SYN3: variants seen among roughly 807,000 people sequenced by gnomAD.
The protein encoded by SYN3 is synapsin-3.
Under a neutral mutation model 65.8 loss-of-function variants are expected in SYN3, and 35 were observed. The ratio of observed to expected loss-of-function variants is 0.53; its 90% CI spans 0.41 to 0.70. The LOEUF (loss-of-function observed/expected upper bound fraction) is 0.70. SYN3 is among the 30% of genes least tolerant of loss of function. The pLI is 0.00. For missense variants in SYN3, 680 were observed against 749.0 expected (o/e 0.91, Z 1.08); for synonymous variants, 270 against 292.9 (o/e 0.92, Z 0.80).
intron 6 of SYN3, among the ~76,000 whole-genome samples, chr22:32,863,777 T>C (rs1286522446): frequency 4.6e-5 from 7 of 152,188 alleles, no homozygotes; most frequent in Non-Finnish European, 1.0e-4. Flanking sequence ...AAGTTGGGGC[T>C]CACAGAGATA....
chr22:32,814,883 T>C (rs542082818), intron 6 of SYN3, among the ~76,000 whole-genome samples: 134 of 152,310 alleles, frequency 8.8e-4, no homozygotes, highest in African/African-American at 3.1e-3. Flanking sequence ...CCCATAGTCA[T>C]GTTTAAAAAA....
intron 1 of SYN3, among the ~76,000 whole-genome samples, chr22:33,043,473 G>A (rs541870163): frequency 7.6e-4 from 116 of 152,242 alleles, no homozygotes; most frequent in African/African-American, 2.7e-3. Flanking sequence ...GCTTGAACCC[G>A]GGAGATGGAG....
At chr22:32,551,694 T>A (rs537035896) in intron 7 of SYN3, among the ~76,000 whole-genome samples, 1 of 152,192 alleles carries the variant, frequency 6.6e-6, no homozygotes, top group African/African-American at 2.4e-5. Context: ...ATTATTATTA[T>A]GTTTTTAGGT....
chr22:32,797,843 G>C (rs973942472), intron 6 of SYN3, among the ~76,000 whole-genome samples: 1 of 152,190 alleles, frequency 6.6e-6, no homozygotes, highest in Non-Finnish European at 1.5e-5. Flanking sequence ...ATTCCCCATG[G>C]AATCTTGGAG....
At chr22:32,975,018 C>G (rs753655389) in intron 3 of SYN3, among the ~76,000 whole-genome samples, 1 of 152,192 alleles carries the variant, frequency 6.6e-6, no homozygotes, top group East Asian at 1.9e-4. Context: ...TCCTCCCACA[C>G]ATATTAAGCT....
intron 6 of SYN3, among the ~76,000 whole-genome samples, chr22:32,653,534 G>C (rs770312114): frequency 3.3e-5 from 5 of 152,168 alleles, no homozygotes; most frequent in Non-Finnish European, 5.9e-5. Flanking sequence ...GTCCTTTATG[G>C]GAGGGGCTGC....
At chr22:32,822,649 G>T (rs1392489929) in intron 6 of SYN3, among the ~76,000 whole-genome samples, 3 of 152,152 alleles carry the variant, frequency 2.0e-5, no homozygotes, top group Non-Finnish European at 4.4e-5. Context: ...TTAGATTATG[G>T]TGCGTTCATA....
Position 32,683,500 on chromosome 22 carries a change from G to A in SYN3, c.712-86764C>T, listed in dbSNP as rs1031680028. 2.0e-5 allele frequency among the ~76,000 whole-genome samples: 3 copies of A among 152,064 alleles called. No individual in the cohort carries two copies. The South Asian group carries it at 6.2e-4, about 32-fold the overall frequency. ...TTAAAAACAGCAGAAATGTATTCTCGCAGTTCTGGAGGCTGGAAGTCTGAA... is the reference window on the plus strand; with the variant it reads ...TTAAAAACAGCAGAAATGTATTCTCACAGTTCTGGAGGCTGGAAGTCTGAA... On this transcript the variant is annotated intron_variant, in intron 6 of 13. Transcript: ENST00000358763.
chr22:32,791,282 G>A lies in SYN3; in HGVS notation c.711+73633C>T, dbSNP rs150654773. On this transcript the variant is annotated intron_variant, in intron 6 of 13. Transcript: ENST00000358763. ...CTCTGTGAATTAGATGTTTGCCTTC[G>A]CTTTATAGGGATTCAATTTACGCTT... Among the ~76,000 whole-genome samples, 379 of 152,216 alleles carry A rather than the reference G, an allele frequency of 2.5e-3. 1 individual carries two copies. Among genetic ancestry groups the A allele is most frequent in the Non-Finnish European group, 4.6e-3 (311 of 68,016 alleles).
At chr22:32,828,624 G>T (rs890604234) in intron 6 of SYN3, among the ~76,000 whole-genome samples, 1 of 152,236 alleles carries the variant, frequency 6.6e-6, no homozygotes, top group African/African-American at 2.4e-5. Context: ...CCAGGGACAG[G>T]AAGTGACCTG....
intron 6 of SYN3, chr22:32,864,521 A>G: frequency 6.0e-6 from 1 of 165,324 alleles, no homozygotes; most frequent in Admixed American, 5.8e-5. Context: ...AAATATTAAT[A>G]TTACTGCTTT....
chr22:32,866,040 A>G (rs1441467812), intron 5 of SYN3, among the ~76,000 whole-genome samples: 2 of 152,222 alleles, frequency 1.3e-5, no homozygotes, highest in African/African-American at 2.4e-5. Context: ...AGCATGATCC[A>G]TCACAGACCA....
chr22:33,037,286 T>A (rs778141592), intron 1 of SYN3, among the ~76,000 whole-genome samples: 2 of 152,070 alleles, frequency 1.3e-5, no homozygotes, highest in African/African-American at 4.8e-5. Flanking sequence ...GCTGCCCAGA[T>A]TTTTTGGGCC....
At chr22:32,793,205 C>A (rs1489326562) in intron 6 of SYN3, among the ~76,000 whole-genome samples, 1 of 152,166 alleles carries the variant, frequency 6.6e-6, no homozygotes, top group Non-Finnish European at 1.5e-5. Flanking sequence ...TTGATTATCT[C>A]TCATGGGCCC....
At chr22:32,530,963 C>G (rs1351391036) in intron 10 of SYN3, among the ~76,000 whole-genome samples, 2 of 151,554 alleles carry the variant, frequency 1.3e-5, no homozygotes, top group Non-Finnish European at 2.9e-5. Context: ...AGCCAAGTTG[C>G]TCTATTTGTA....
intron 7 of SYN3, among the ~76,000 whole-genome samples, chr22:32,549,035 CAG>C (rs1277596219): frequency 6.6e-6 from 1 of 151,908 alleles, no homozygotes; most frequent in East Asian, 1.9e-4. Context: ...GTCCTCTGGC[CAG>C]AGGAGGCATT....
intron 6 of SYN3, among the ~76,000 whole-genome samples, chr22:32,812,785 G>A (rs141809513): frequency 2.0e-5 from 3 of 152,154 alleles, no homozygotes; most frequent in Non-Finnish European, 2.9e-5. Context: ...TAGATCAAAC[G>A]TGTGCCCCAT....
chr22:32,569,456 C>G (rs1013159352), intron 7 of SYN3, among the ~76,000 whole-genome samples: 2 of 147,838 alleles, frequency 1.4e-5, no homozygotes, highest in South Asian at 4.3e-4. Context: ...TCTTCTCTAT[C>G]TATCTAAAAT....
Position 32,743,183 on chromosome 22 carries a change from T to C in SYN3, c.711+121732A>G, listed in dbSNP as rs55968947. 7.4e-3 allele frequency among the ~76,000 whole-genome samples: 1,129 copies of C among 152,352 alleles called. 4 individuals carry two copies. Among genetic ancestry groups the C allele is most frequent in the Non-Finnish European group, 8.3e-3 (568 of 68,042 alleles). On this transcript the variant is annotated intron_variant, in intron 6 of 13. Coordinates refer to ENST00000358763, the MANE Select transcript of SYN3 (RefSeq NM_003490.4). ...AGTGAGTATAAATGTATGATTCATATGTGGCTTTGGGAAATCTAGGAAGTT... is the reference window on the plus strand; with the variant it reads ...AGTGAGTATAAATGTATGATTCATACGTGGCTTTGGGAAATCTAGGAAGTT...
Sources: gnomAD v4.1 joint callset for allele counts (sites outside exome capture counted in the v4.1 genomes callset) on GRCh38, gnomAD v4.1.1 for gene constraint, MANE v1.5 for transcripts, NCBI Gene and HGNC (gene_info 2026-07-23, HGNC 2026-07-21) for gene names.